CCDC80: variants seen among roughly 807,000 people sequenced by gnomAD.
CCDC80 encodes coiled-coil domain containing 80.
CCDC80 carries 49 observed loss-of-function variants against 78.7 expected under a neutral mutation model. The ratio of observed to expected loss-of-function variants is 0.62; its 90% CI spans 0.50 to 0.79. The LOEUF (loss-of-function observed/expected upper bound fraction) is 0.79. Ranked by LOEUF, CCDC80 falls within the 30% of genes least tolerant of loss-of-function variation. CCDC80 has a pLI of 0.00. For synonymous variants in CCDC80, 488 were observed against 447.0 expected (o/e 1.09, Z -1.16); for missense variants, 1,205 against 1,198.6 (o/e 1.01, Z -0.08).
At position 112,636,321 on chromosome 3, in the gene CCDC80, C is replaced by T. The variant is rs879568666; in HGVS notation, c.1878+1707G>A. 5.3e-3 allele frequency among the ~76,000 whole-genome samples: 809 copies of T among 152,254 alleles called. 2 individuals are homozygous for T. Among genetic ancestry groups the T allele is most frequent in the Admixed American group, 9.5e-3 (146 of 15,298 alleles). Reference sequence around the variant, plus strand: ...GAACATTCCCATTTAAATATATGTACTCTGAGAATATCCAAGCGACCTGAT... The same window carrying T: ...GAACATTCCCATTTAAATATATGTATTCTGAGAATATCCAAGCGACCTGAT... On this transcript the variant is annotated intron_variant, in intron 2 of 7. Coordinates refer to ENST00000206423, the MANE Select transcript of CCDC80 (RefSeq NM_199511.3).
At position 112,599,464 on chromosome 3, in the gene CCDC80, C is replaced by A. The variant is rs1183425346; in HGVS notation, c.*5953G>T. ...CAAGCCACAACCTGCTATCTGCACA[C>A]CCCACACCATGAGGTAAAGGACAGC... On this transcript the variant is annotated 3_prime_UTR_variant, in exon 8 of 8. Coordinates refer to ENST00000206423, the MANE Select transcript of CCDC80 (RefSeq NM_199511.3). 6.6e-6 allele frequency: 1 copy of A among 152,382 alleles called. No individual in the cohort carries two copies. The highest frequency in any genetic ancestry group is 1.5e-5 in the Non-Finnish European group (1 of 68,204). 9.4% of individuals were successfully genotyped at this position (152,382 alleles called of 1,614,324 possible).
At chr3:112,618,088 C>T (rs528839591) in intron 4 of CCDC80, among the ~76,000 whole-genome samples, 17 of 152,132 alleles carry the variant, frequency 1.1e-4, no homozygotes, top group Non-Finnish European at 2.4e-4. Flanking sequence ...CTAAGGATTG[C>T]AAAGGGTTGA....
At chr3:112,625,081 ACAACG>A (rs1380896249) in intron 3 of CCDC80, among the ~76,000 whole-genome samples, 2 of 152,218 alleles carry the variant, frequency 1.3e-5, no homozygotes, top group East Asian at 3.8e-4. Context: ...GAAAAAGATG[ACAACG>A]CAATAGAAAA....
chr3:112,607,949 T>G (rs1434427128), intron 6 of CCDC80, among the ~76,000 whole-genome samples: 1 of 152,232 alleles, frequency 6.6e-6, no homozygotes, highest in African/African-American at 2.4e-5. Flanking sequence ...ATTGTTCTGC[T>G]TCCTCACACA....
chr3:112,614,175 C>T (rs188925417), intron 5 of CCDC80, among the ~76,000 whole-genome samples: 2 of 152,058 alleles, frequency 1.3e-5, no homozygotes, highest in South Asian at 2.1e-4. Context: ...ATAATGCCTA[C>T]GTGAAATGAT....
rs1935345635 is a variant in CCDC80 at position 112,599,922 on chromosome 3, A to G, written c.*5495T>C. 6.6e-6 allele frequency: 1 copy of G among 152,250 alleles called. No homozygotes were observed. The highest frequency in any genetic ancestry group is 1.5e-5 in the Non-Finnish European group (1 of 68,044). 9.4% of individuals were successfully genotyped at this position (152,250 alleles called of 1,614,324 possible). ...AGCTATGTCCTCAAGAGTCTTCCAG[A>G]TTTCCCCAACTCTACAGAATGCTTT... On this transcript the variant is annotated 3_prime_UTR_variant, in exon 8 of 8. Transcript: ENST00000206423.
rs1230850987 is a variant in CCDC80 at position 112,619,112 on chromosome 3, G to A, written c.2036-8C>T. 39 of 1,560,000 alleles carry A rather than the reference G, an allele frequency of 2.5e-5. No individual in the cohort carries two copies. Among genetic ancestry groups the A allele is most frequent in the Non-Finnish European group, 3.2e-5 (37 of 1,156,682 alleles). On this transcript the variant is annotated splice_polypyrimidine_tract_variant and splice_region_variant and intron_variant, in intron 3 of 7. Coordinates refer to ENST00000206423, the MANE Select transcript of CCDC80 (RefSeq NM_199511.3). ...GCATGGGCTTCTCATTATCTTAAGG[G>A]AAATAAAATGTGAATGAATATGGGT...
Position 112,640,893 on chromosome 3 carries a change from G to A in CCDC80, c.-578C>T, listed in dbSNP as rs56721759. The A allele has an allele frequency of 0.091, 13,795 of 151,960 alleles. 1,175 individuals are homozygous for A. The highest frequency in any genetic ancestry group is 0.31 in the East Asian group (1,600 of 5,164). The allele number at this position is 151,960 out of a possible 1,614,324, so 9.4% of individuals were successfully genotyped here. On this transcript the variant is annotated 5_prime_UTR_variant, in exon 1 of 8. Coordinates refer to ENST00000206423, the MANE Select transcript of CCDC80 (RefSeq NM_199511.3). The stretch of plus-strand genomic sequence containing the variant: ...AAAGGGACTTTTTTTTTCTTTCACT[G>A]TGCTTCTCTCCTCCCTTTATTTCTC...
At chr3:112,610,290 C>A in intron 5 of CCDC80, 1 of 566,344 alleles carries the variant, frequency 1.8e-6, no homozygotes. Context: ...CACAGTCTTT[C>A]TGCTTTGGCA....
chr3:112,602,409 G>A lies in CCDC80; in HGVS notation c.*3008C>T, dbSNP rs964577575. 1 of 152,180 alleles carries A rather than the reference G, an allele frequency of 6.6e-6. No homozygotes were observed. The highest frequency in any genetic ancestry group is 2.4e-5 in the African/African-American group (1 of 41,448). The allele number at this position is 152,180 out of a possible 1,614,324, so 9.4% of individuals were successfully genotyped here. ...ATCTTTCACTTTAAATCAAAAGCTA[G>A]AAATGAATAAGCTTAGTGAGGAAGG... On this transcript the variant is annotated 3_prime_UTR_variant, in exon 8 of 8. Transcript: ENST00000206423.
rs1041368782 is a variant in CCDC80, at chr3:112,601,026, A to C, written c.*4391T>G. On this transcript the variant is annotated 3_prime_UTR_variant, in exon 8 of 8. Coordinates refer to ENST00000206423, the MANE Select transcript of CCDC80 (RefSeq NM_199511.3). ...GACTATCCAAGAAAAAATGAGGAGG[A>C]AAGTGCTCCATCAAGGAAGAGGGAT... is the stretch of plus-strand genomic sequence containing the variant. 6.6e-6 allele frequency: 1 copy of C among 152,218 alleles called. No homozygotes were observed. The highest frequency in any genetic ancestry group is 1.5e-5 in the Non-Finnish European group (1 of 68,046). 9.4% of individuals were successfully genotyped at this position (152,218 alleles called of 1,614,324 possible).
At chr3:112,629,405 A>G (rs1936050392) in intron 3 of CCDC80, among the ~76,000 whole-genome samples, 1 of 152,206 alleles carries the variant, frequency 6.6e-6, no homozygotes, top group Non-Finnish European at 1.5e-5. Flanking sequence ...TGGGTGGGTC[A>G]TATTTTGGGC....
At chr3:112,637,247 C>T (rs761904224) in intron 2 of CCDC80, among the ~76,000 whole-genome samples, 1 of 152,198 alleles carries the variant, frequency 6.6e-6, no homozygotes, top group Non-Finnish European at 1.5e-5. Flanking sequence ...GAGAAACTGA[C>T]ATCTAGATTT....
Position 112,639,019 on chromosome 3 carries a change from T to A in CCDC80, c.887A>T (p.Asp296Val). The change falls in exon 2 of 8, where the codon GAC becomes GTC. Residue 296 changes from aspartate to valine, a missense_variant. Physicochemically the swap from Asp to Val is radical, Grantham distance 152. Transcript: ENST00000206423. ...VEGQVVAEGNDGGGGAGRPSL... is the reference protein window; with the variant it reads ...VEGQVVAEGNVGGGGAGRPSL... The stretch of plus-strand genomic sequence containing the variant: ...TGGCCTTCCTGCTCCCCCTCCACCG[T>A]CATTCCCCTCCGCCACCACCTGGCC... 6.2e-7 allele frequency: 1 copy of A among 1,611,142 alleles called. No individual in the cohort carries two copies. The highest frequency in any genetic ancestry group is 8.5e-7 in the Non-Finnish European group (1 of 1,179,984).
intron 5 of CCDC80, among the ~76,000 whole-genome samples, chr3:112,615,969 T>C (rs1487825245): frequency 6.6e-6 from 1 of 152,212 alleles, no homozygotes; most frequent in Non-Finnish European, 1.5e-5. Context: ...TGTTCTTCTA[T>C]TCCTTTACTT....
intron 3 of CCDC80, among the ~76,000 whole-genome samples, chr3:112,629,084 C>T (rs1936040211): frequency 6.6e-6 from 1 of 151,994 alleles, no homozygotes; most frequent in South Asian, 2.1e-4. Flanking sequence ...AGTATGTCTT[C>T]AATTACACCA....
At chr3:112,621,887 T>C (rs1435885941) in intron 3 of CCDC80, among the ~76,000 whole-genome samples, 2 of 152,190 alleles carry the variant, frequency 1.3e-5, no homozygotes, top group African/African-American at 4.8e-5. Context: ...TCCAACTCTA[T>C]TGCAGCTCAA....
In CCDC80 at chr3:112,605,955, C is replaced by T. The variant is rs140121640; in HGVS notation, c.2507-192G>A. 9.2e-5 allele frequency among the ~76,000 whole-genome samples: 14 copies of T among 152,268 alleles called. No individual in the cohort carries two copies. The East Asian group carries it at 2.3e-3, about 25-fold the overall frequency. On this transcript the variant is annotated intron_variant, in intron 7 of 7. Coordinates refer to ENST00000206423, the MANE Select transcript of CCDC80 (RefSeq NM_199511.3). The stretch of plus-strand genomic sequence containing the variant: ...TTAAATGTCCCTGCTTTCTGCAACA[C>T]GATTAGGGTCAAACTTTGGGGCACT...
intron 6 of CCDC80, among the ~76,000 whole-genome samples, chr3:112,608,844 C>A (rs1935566525): frequency 6.6e-6 from 1 of 152,052 alleles, no homozygotes; most frequent in African/African-American, 2.4e-5. Flanking sequence ...TTTTGGCCTT[C>A]CTTTGAGTTA....
Sources: allele counts gnomAD v4.1 joint callset (sites outside exome capture counted in the v4.1 genomes callset), GRCh38; gene constraint gnomAD v4.1.1; transcripts MANE v1.5; gene names NCBI Gene and HGNC (gene_info 2026-07-23, HGNC 2026-07-21).